Variants in MAP3K10 observed in about 807,000 individuals in gnomAD.
MAP3K10 encodes the protein mitogen-activated protein kinase kinase kinase 10, also known as MKN28 derived nonreceptor_type serine/threonine kinase.
Under a neutral mutation model 75.0 loss-of-function variants are expected in MAP3K10, and 22 were observed. The observed-to-expected ratio is 0.29, with a 90% CI of 0.21 to 0.42. MAP3K10 has a LOEUF of 0.42. MAP3K10 is among the 10% of genes least tolerant of loss of function. The pLI is 1.00. For synonymous variants in MAP3K10, 599 were observed against 612.9 expected, an observed-to-expected ratio of 0.98 and a Z score of 0.34; for missense variants, 1,165 against 1,379.8, an observed-to-expected ratio of 0.84 and a Z score of 2.47.
At chr19:40,201,174 GTTTT>G (rs1175595813) in intron 2 of MAP3K10, among the ~76,000 whole-genome samples, 1 of 130,362 alleles carries the variant, frequency 7.7e-6, no homozygotes, top group Non-Finnish European at 1.7e-5. Context: ...AGCGTTTTTT[GTTTT>G]TTTTTTTTTT....
Position 40,198,269 on chromosome 19 carries a change from A to T in MAP3K10, c.683-106A>T. The T allele has an allele frequency of 9.2e-7, 1 of 1,081,806 alleles. No homozygotes were observed. The highest frequency in any genetic ancestry group is 1.3e-6 in the Non-Finnish European group (1 of 748,638). The allele number at this position is 1,081,806 out of a possible 1,614,324, so 67.0% of individuals were successfully genotyped here. A position where few individuals can be genotyped will look rare whatever the true frequency, so the allele number is the denominator to read the frequency against. On this transcript the variant is annotated intron_variant, in intron 1 of 9. Coordinates refer to ENST00000253055, the MANE Select transcript of MAP3K10 (RefSeq NM_002446.4). This position sits in a 1 kb window ranked among gnomAD's most constrained non-coding sequence, Gnocchi z 4.3. ...ACCTGCCACAGAGCGGGGCAGCCTG[A>T]GGCAGTGAGAGGAAAGACGTGTTTC... is the stretch of plus-strand genomic sequence containing the variant.
chr19:40,213,369 G>T lies in MAP3K10; in HGVS notation c.1838-148G>T. On this transcript the variant is annotated intron_variant, in intron 8 of 9. Transcript: ENST00000253055. This position sits in a 1 kb window ranked among gnomAD's most constrained non-coding sequence, Gnocchi z 5.7. ...CCAGGGGCAGGGACCACCCTTCTCT[G>T]AGGCTTCTCCTGGAGACAGATTCAA... is the stretch of plus-strand genomic sequence containing the variant. 1 of 1,462,474 alleles carries T rather than the reference G, an allele frequency of 6.8e-7. No individual in the cohort carries two copies. Among genetic ancestry groups the T allele is most frequent in the Non-Finnish European group, 9.0e-7 (1 of 1,110,712 alleles). 90.6% of individuals were successfully genotyped at this position (1,462,474 alleles called of 1,614,324 possible).
At chr19:40,214,540 A>G (rs1457049273) in intron 9 of MAP3K10, among the ~76,000 whole-genome samples, 1 of 152,182 alleles carries the variant, frequency 6.6e-6, no homozygotes, top group Non-Finnish European at 1.5e-5. Context: ...ATGCGGCCAT[A>G]GCAGTGTTAT....
At position 40,215,281 on chromosome 19, in the gene MAP3K10, G is replaced by A. The variant is rs370964982; in HGVS notation, c.2854G>A (p.Gly952Ser). Residue 952 changes from glycine (G) to serine (S), a missense_variant, in exon 10 of 10, where the codon GGC becomes AGC. Physicochemically the swap from Gly to Ser is moderately conservative, Grantham distance 56. Coordinates refer to ENST00000253055, the MANE Select transcript of MAP3K10 (RefSeq NM_002446.4). ...CACAGTGCCCCTGTGCGGGGCCCAC[G>A]GCTCCCACTAAGGCCTGCCCACCAC... is the stretch of plus-strand genomic sequence containing the variant. ...DSTVPLCGAH[G>S]SH is the part of the protein sequence containing the mutation. 53 of 1,545,918 alleles carry A rather than the reference G, an allele frequency of 3.4e-5. No individual in the cohort carries two copies. The African/African-American group carries it at 4.0e-4, about 12-fold the overall frequency.
intron 2 of MAP3K10, among the ~76,000 whole-genome samples, chr19:40,199,665 T>A (rs1370601508): frequency 2.0e-5 from 3 of 152,098 alleles, no homozygotes; most frequent in Non-Finnish European, 4.4e-5. Flanking sequence ...TCAGGTTTTA[T>A]TCTAATGAAG....
At chr19:40,208,353 T>TTTTC (rs1174135910) in intron 5 of MAP3K10, among the ~76,000 whole-genome samples, 4 of 99,270 alleles carry the variant, frequency 4.0e-5, no homozygotes, top group Non-Finnish European at 8.1e-5. Flanking sequence ...TTCTTTTTTT[T>TTTTC]TTTTTTTTTT....
At chr19:40,211,169 G>A (rs997389781) in intron 6 of MAP3K10, among the ~76,000 whole-genome samples, 2 of 152,160 alleles carry the variant, frequency 1.3e-5, no homozygotes, top group African/African-American at 4.8e-5. Context: ...GGCAAAAGCT[G>A]GAGGTGAGAA....
chr19:40,208,265 A>C (rs1973159905), intron 5 of MAP3K10, among the ~76,000 whole-genome samples: 1 of 148,984 alleles, frequency 6.7e-6, no homozygotes, highest in African/African-American at 2.5e-5. Flanking sequence ...TCTGCCTCCC[A>C]GGTTCATGCC....
rs1021428928 is a variant in MAP3K10 at position 40,205,082 on chromosome 19, C to T, written c.1013-39C>T. 3 of 1,594,404 alleles carry T rather than the reference C, an allele frequency of 1.9e-6. No individual in the cohort carries two copies. The highest frequency in any genetic ancestry group is 2.6e-6 in the Non-Finnish European group (3 of 1,164,280). On this transcript the variant is annotated intron_variant, in intron 3 of 9. Transcript: ENST00000253055. This position sits in a 1 kb window ranked among gnomAD's most constrained non-coding sequence, Gnocchi z 4.3. Reference sequence around the variant, plus strand: ...GTCCCCAGAGCATGACCACTGACACCTCCATGCCCCACCACTGTCCTTCCT... The same window carrying T: ...GTCCCCAGAGCATGACCACTGACACTTCCATGCCCCACCACTGTCCTTCCT...
chr19:40,195,324 C>G (rs1235233904), intron 1 of MAP3K10, among the ~76,000 whole-genome samples: 1 of 151,968 alleles, frequency 6.6e-6, no homozygotes, highest in Non-Finnish European at 1.5e-5. Context: ...AGCATAAAAC[C>G]ATGAGATGTT....
rs745939657 is a variant in MAP3K10, at chr19:40,205,149, G to C, written c.1041G>C (p.Arg347=). Residue 347 remains arginine, a synonymous_variant, in exon 4 of 10, where the codon CGG becomes CGC. Coordinates refer to ENST00000253055, the MANE Select transcript of MAP3K10 (RefSeq NM_002446.4). The surrounding 1 kb of genome is among the most constrained non-coding windows in gnomAD (Gnocchi z 4.3). ...EECWDPDPHG[R]PDFGSILKRL... ...GCTGGGACCCAGACCCCCACGGGCG[G>C]CCAGATTTCGGTAGCATCTTGAAGC... The C allele has an allele frequency of 1.2e-6, 2 of 1,613,584 alleles. No homozygotes were observed. Among genetic ancestry groups the C allele is most frequent in the Admixed American group, 3.3e-5 (2 of 60,010 alleles).
chr19:40,209,408 T>C (rs1230735207), intron 6 of MAP3K10, among the ~76,000 whole-genome samples, 189 bp downstream of exon 6: 2 of 151,760 alleles, frequency 1.3e-5, no homozygotes, highest in Non-Finnish European at 2.9e-5. Flanking sequence ...TTTCTTTTTT[T>C]TTTTTTTCTT....
intron 1 of MAP3K10, among the ~76,000 whole-genome samples, chr19:40,195,974 G>A (rs573249321): frequency 1.9e-4 from 29 of 152,214 alleles, no homozygotes; most frequent in African/African-American, 6.7e-4. Context: ...GGAGAAATTC[G>A]GAACAATTAT....
chr19:40,206,209 C>G, intron 5 of MAP3K10, 52 bp downstream of exon 5: 6 of 1,528,540 alleles, frequency 3.9e-6, no homozygotes, highest in Non-Finnish European at 5.3e-6. Flanking sequence ...GGGAGCAGCC[C>G]CGACCTAGGA....
At chr19:40,210,880 G>A (rs1386467514) in intron 6 of MAP3K10, among the ~76,000 whole-genome samples, 1 of 152,104 alleles carries the variant, frequency 6.6e-6, no homozygotes, top group Non-Finnish European at 1.5e-5. Context: ...GGATTGGATG[G>A]TGCCCACCCA....
chr19:40,191,859 C>A lies in MAP3K10; in HGVS notation c.-173C>A. ...AGCCAAATCGGAAGGGACGAGCCTGCCCTTTGAAAGGGTTTTTTTTCTTGC... is the reference window on the plus strand; with the variant it reads ...AGCCAAATCGGAAGGGACGAGCCTGACCTTTGAAAGGGTTTTTTTTCTTGC... On this transcript the variant is annotated 5_prime_UTR_variant, in exon 1 of 10. Coordinates refer to ENST00000253055, the MANE Select transcript of MAP3K10 (RefSeq NM_002446.4). The A allele has an allele frequency of 3.8e-6, 1 of 261,996 alleles. No homozygotes were observed. 16.2% of individuals were successfully genotyped at this position (261,996 alleles called of 1,614,324 possible). A position where few individuals can be genotyped will look rare whatever the true frequency, so the allele number is the denominator to read the frequency against.
rs553938645 is a variant in MAP3K10 at position 40,191,444 on chromosome 19, G to C, written c.-588G>C. On this transcript the variant is annotated 5_prime_UTR_variant, in exon 1 of 10. Transcript: ENST00000253055. Reference sequence around the variant, plus strand: ...CCCACACGTCACTCGGGCCCCGCCGGTGGCCCGGGGAAGCAGCACGGGCGG... The same window carrying C: ...CCCACACGTCACTCGGGCCCCGCCGCTGGCCCGGGGAAGCAGCACGGGCGG... 6.6e-6 allele frequency among the ~76,000 whole-genome samples: 1 copy of C among 151,820 alleles called. No homozygotes were observed. The highest frequency in any genetic ancestry group is 2.1e-4 in the South Asian group (1 of 4,832).
rs376343324 is a variant in MAP3K10, at chr19:40,209,231, C to G, written c.1552+12C>G. 4.7e-5 allele frequency: 75 copies of G among 1,606,796 alleles called. No homozygotes were observed. Among genetic ancestry groups the G allele is most frequent in the Admixed American group, 6.7e-5 (4 of 59,940 alleles). On this transcript the variant is annotated intron_variant, in intron 6 of 9. Coordinates refer to ENST00000253055, the MANE Select transcript of MAP3K10 (RefSeq NM_002446.4). Reference sequence around the variant, plus strand: ...GAGGGCCATTCGCCGTGAGTATCTCCCAAGGCCCTGACCAGTCAGTCAGTC... The same window carrying G: ...GAGGGCCATTCGCCGTGAGTATCTCGCAAGGCCCTGACCAGTCAGTCAGTC...
Position 40,198,288 on chromosome 19 carries a change from G to A in MAP3K10, c.683-87G>A, listed in dbSNP as rs1231150523. ...AGCCTGAGGCAGTGAGAGGAAAGACGTGTTTCTAGCTGAGGCAGCGGGCCA... is the reference window on the plus strand; with the variant it reads ...AGCCTGAGGCAGTGAGAGGAAAGACATGTTTCTAGCTGAGGCAGCGGGCCA... On this transcript the variant is annotated intron_variant, in intron 1 of 9. Transcript: ENST00000253055. This position sits in a 1 kb window ranked among gnomAD's most constrained non-coding sequence, Gnocchi z 4.3. The A allele has an allele frequency of 5.9e-5, 77 of 1,301,804 alleles. No homozygotes were observed. Among genetic ancestry groups the A allele is most frequent in the Non-Finnish European group, 7.0e-5 (66 of 938,968 alleles). The allele number at this position is 1,301,804 out of a possible 1,614,324, so 80.6% of individuals were successfully genotyped here. A position where few individuals can be genotyped will look rare whatever the true frequency, so the allele number is the denominator to read the frequency against.
Sources: allele counts gnomAD v4.1 joint callset (sites outside exome capture counted in the v4.1 genomes callset), GRCh38; gene constraint gnomAD v4.1.1; non-coding constraint Gnocchi (gnomAD v3.1); transcripts MANE v1.5; gene names NCBI Gene and HGNC (gene_info 2026-07-23, HGNC 2026-07-21).